Variants in ACACA observed in about 807,000 individuals in gnomAD.
The protein encoded by ACACA is acetyl-CoA carboxylase alpha.
A neutral mutation model predicts 296.1 loss-of-function variants in ACACA; 103 were observed. The observed-to-expected ratio is 0.35, with a 90% CI of 0.30 to 0.41. The LOEUF is 0.41. Among genes scored for constraint, ACACA ranks in the 10% least tolerant of loss-of-function variants. The pLI is 1.00. For missense variants in ACACA, 1,554 were observed against 2,989.7 expected, an observed-to-expected ratio of 0.52 and a Z score of 11.20; for synonymous variants, 953 against 1,038.6, an observed-to-expected ratio of 0.92 and a Z score of 1.58.
chr17:37,169,037 A>G (rs563205467), intron 41 of ACACA, among the ~76,000 whole-genome samples: 6 of 152,186 alleles, frequency 3.9e-5, no homozygotes, highest in Non-Finnish European at 7.3e-5. Context: ...TTACAAACAT[A>G]TGTACATAAA....
In ACACA at chr17:37,113,352, G is replaced by A. The variant is rs999071847; in HGVS notation, c.6275-87C>T. The A allele has an allele frequency of 1.4e-5, 19 of 1,399,242 alleles. No individual in the cohort carries two copies. Among genetic ancestry groups the A allele is most frequent in the African/African-American group, 1.1e-4 (8 of 70,672 alleles). 86.7% of individuals were successfully genotyped at this position (1,399,242 alleles called of 1,614,324 possible). The stretch of plus-strand genomic sequence containing the variant: ...AACACTGTTCAGGACCTCTGGCCAC[G>A]AAGAGCCTCCTTATACTATGCCTCC... On this transcript the variant is annotated intron_variant, in intron 50 of 55. Transcript: ENST00000616317. The surrounding 1 kb of genome is among the most constrained non-coding windows in gnomAD (Gnocchi z 4.0).
chr17:37,404,120 T>A (rs2051384342), intron 1 of ACACA, among the ~76,000 whole-genome samples: 1 of 152,226 alleles, frequency 6.6e-6, no homozygotes, highest in South Asian at 2.1e-4. Context: ...TATGTGGGAC[T>A]AATTTTTCTA....
Position 37,085,771 on chromosome 17 carries a change from G to C in ACACA, c.*1545C>G, listed in dbSNP as rs2072159010. On this transcript the variant is annotated 3_prime_UTR_variant, in exon 56 of 56. Transcript: ENST00000616317. ...CACAGATTCCTCCTGAAGAAGGGGA[G>C]GTGGAGCTCGTTCTTGTGTGCAAAC... The C allele has an allele frequency of 2.5e-6, 1 of 399,090 alleles. No individual in the cohort carries two copies. Among genetic ancestry groups the C allele is most frequent in the Non-Finnish European group, 4.4e-6 (1 of 226,196 alleles). 24.7% of individuals were successfully genotyped at this position (399,090 alleles called of 1,614,324 possible). A position where few individuals can be genotyped will look rare whatever the true frequency, so the allele number is the denominator to read the frequency against.
At chr17:37,191,420 C>T in intron 37 of ACACA, 145 bp from the exon 38 acceptor site, 1 of 857,306 alleles carries the variant, frequency 1.2e-6, no homozygotes, top group South Asian at 1.6e-5. Context: ...TAGAGTCAGT[C>T]CAGTAACCAC....
Position 37,122,647 on chromosome 17 carries a change from A to G in ACACA, c.6042-20T>C, listed in dbSNP as rs771685655. The G allele has an allele frequency of 5.6e-6, 9 of 1,597,646 alleles. No individual in the cohort carries two copies. Among genetic ancestry groups the G allele is most frequent in the South Asian group, 4.4e-5 (4 of 90,740 alleles). On this transcript the variant is annotated intron_variant, in intron 48 of 55. Transcript: ENST00000616317. ...CCTAGCCTGATAAAACATGAGTCAC[A>G]TAAGAACCCAATGTATGTCAACATT...
At chr17:37,340,992 G>C (rs2048352983) in intron 1 of ACACA, among the ~76,000 whole-genome samples, 1 of 152,148 alleles carries the variant, frequency 6.6e-6, no homozygotes, top group South Asian at 2.1e-4. Context: ...TCCAGGAGCT[G>C]GAGGCTGCAA....
intron 3 of ACACA, among the ~76,000 whole-genome samples, chr17:37,313,615 T>G (rs2046948852): frequency 6.6e-6 from 1 of 152,124 alleles, no homozygotes; most frequent in African/African-American, 2.4e-5. Flanking sequence ...AAATCAAAAC[T>G]ACAATGAGAT....
chr17:37,149,763 A>T (rs2075962075), intron 45 of ACACA, 101 bp downstream of exon 45: 2 of 1,023,204 alleles, frequency 2.0e-6, no homozygotes, highest in Non-Finnish European at 3.1e-6. Context: ...TGAGGAAGGC[A>T]CGGATTGAAC....
intron 41 of ACACA, among the ~76,000 whole-genome samples, chr17:37,164,505 A>G (rs1249420748): frequency 1.3e-5 from 2 of 152,216 alleles, no homozygotes; most frequent in African/African-American, 4.8e-5. Flanking sequence ...ATACACAGAA[A>G]AAAATCCAAT....
At chr17:37,130,261 A>G in intron 45 of ACACA, 43 bp from the exon 46 acceptor site, 1 of 1,611,282 alleles carries the variant, frequency 6.2e-7, no homozygotes, top group Non-Finnish European at 8.5e-7. Context: ...CTCTATAGAA[A>G]TAAAGGCATG....
At chr17:37,122,363 C>T (rs2074567689) in intron 49 of ACACA, among the ~76,000 whole-genome samples, 168 bp downstream of exon 49, 2 of 152,266 alleles carry the variant, frequency 1.3e-5, no homozygotes, top group African/African-American at 2.4e-5. Flanking sequence ...GCTTCTAGTC[C>T]GTTTAGACTC....
chr17:37,348,696 C>T (rs1369400314), intron 1 of ACACA, among the ~76,000 whole-genome samples: 1 of 151,884 alleles, frequency 6.6e-6, no homozygotes, highest in African/African-American at 2.4e-5. Context: ...CAATGCTATA[C>T]GGGCGCGGTA....
chr17:37,274,110 T>C (rs1017707193), intron 9 of ACACA, 83 bp downstream of exon 9: 1 of 1,204,622 alleles, frequency 8.3e-7, no homozygotes. Context: ...TGGGTATATA[T>C]CACGAGCCAG....
At chr17:37,206,940 C>A in intron 31 of ACACA, 61 bp from the exon 32 acceptor site, 1 of 1,357,226 alleles carries the variant, frequency 7.4e-7, no homozygotes, top group South Asian at 1.2e-5. Flanking sequence ...CTAACACTGC[C>A]ATTGGCAGCT....
chr17:37,134,992 G>C (rs1430463663), intron 45 of ACACA, among the ~76,000 whole-genome samples: 1 of 152,072 alleles, frequency 6.6e-6, no homozygotes, highest in Non-Finnish European at 1.5e-5. Context: ...AAGAAAGAAG[G>C]AAGGATGAGA....
chr17:37,217,260 CAAAAAAAAAAAAA>C (rs34419580), intron 29 of ACACA, among the ~76,000 whole-genome samples: 1 of 42,526 alleles, frequency 2.4e-5, no homozygotes, highest in Non-Finnish European at 4.5e-5. Flanking sequence ...AACTCTATCT[CAAAAAAAAAAAAA>C]AAAAAAAAAA....
chr17:37,160,584 T>C (rs1278079864), intron 42 of ACACA, among the ~76,000 whole-genome samples: 1 of 152,200 alleles, frequency 6.6e-6, no homozygotes, highest in African/African-American at 2.4e-5. Context: ...GAACTGTTTT[T>C]TTCTCCATCA....
intron 3 of ACACA, among the ~76,000 whole-genome samples, chr17:37,316,304 C>CACACACACAT (rs1210032199): frequency 7.0e-6 from 1 of 142,972 alleles, no homozygotes; most frequent in Admixed American, 6.9e-5. Flanking sequence ...CCCTTACATA[C>CACACACACAT]ACACACACAC....
At chr17:37,342,422 AAAAAAAAAAAAAAAATAT>A (rs1401059663) in intron 1 of ACACA, among the ~76,000 whole-genome samples, 3 of 124,424 alleles carry the variant, frequency 2.4e-5, no homozygotes, top group African/African-American at 6.4e-5. Context: ...AAAAAAAAAA[AAAAAAAAAAAAAAAATAT>A]ATATATATAT....
Sources: allele counts gnomAD v4.1 joint callset (sites outside exome capture counted in the v4.1 genomes callset), GRCh38; gene constraint gnomAD v4.1.1; non-coding constraint Gnocchi (gnomAD v3.1); transcripts MANE v1.5; gene names NCBI Gene and HGNC (gene_info 2026-07-23, HGNC 2026-07-21).